The following TTLL1 variants were observed in gnomAD, a reference collection of about 807,000 sequenced individuals.
TTLL1 encodes TTL family tubulin polyglutamylase complex subunit L1, also known as polyglutamylase complex subunit TTLL1.
In TTLL1, 33 loss-of-function variants were observed where a neutral mutation model predicts 47.8. The ratio of observed to expected loss-of-function variants is 0.69; its 90% CI spans 0.52 to 0.92. TTLL1 has a LOEUF of 0.92. Ranked by LOEUF, TTLL1 falls within the 40% of genes least tolerant of loss-of-function variation. The probability of loss-of-function intolerance (pLI) is 0.00; values close to 1 mark genes in which losing one functional copy is unlikely to be tolerated. For missense variants in TTLL1, 488 were observed against 547.5 expected (o/e 0.89, Z 1.08); for synonymous variants, 225 against 214.1 (o/e 1.05, Z -0.45).
intron 4 of TTLL1, 87 bp downstream of exon 4, chr22:43,069,549 C>T (rs1263697544): frequency 3.2e-6 from 5 of 1,578,922 alleles, no homozygotes; most frequent in Non-Finnish European, 4.3e-6. Flanking sequence ...CGCATCAAAG[C>T]CAACAGTCAC....
rs1555964073 is a variant in TTLL1 at position 43,073,364 on chromosome 22, T to TTTATTTTA, written c.113+2109_113+2110insTAAAATAA. On this transcript the variant is annotated intron_variant, in intron 3 of 10. Transcript: ENST00000266254. The stretch of plus-strand genomic sequence containing the variant: ...ATTTATTTATTTATTTATTTATTTA[T>TTTATTTTA]TTTATTTTTTGAGGTACAGTCTCAC... Among the ~76,000 whole-genome samples, 642 of 133,362 alleles carry TTTATTTTA rather than the reference T, an allele frequency of 4.8e-3. 5 individuals are homozygous for TTTATTTTA. Among genetic ancestry groups the TTTATTTTA allele is most frequent in the East Asian group, 0.022 (103 of 4,760 alleles). 87.5% of individuals were successfully genotyped at this position (133,362 alleles called of 152,430 possible).
chr22:43,069,429 C>T (rs1927965899), intron 4 of TTLL1, among the ~76,000 whole-genome samples: 1 of 151,494 alleles, frequency 6.6e-6, no homozygotes, highest in Non-Finnish European at 1.5e-5. Flanking sequence ...CAGGCAATTC[C>T]CAAGGCACTC....
intron 2 of TTLL1, among the ~76,000 whole-genome samples, chr22:43,079,232 C>A (rs868386240): frequency 3.6e-5 from 4 of 111,216 alleles, no homozygotes; most frequent in African/African-American, 1.1e-4. Context: ...CATCCCACAC[C>A]CCTCACACCC....
intron 9 of TTLL1, among the ~76,000 whole-genome samples, chr22:43,051,214 TG>T (rs1926594391): frequency 6.6e-6 from 1 of 152,224 alleles, no homozygotes; most frequent in South Asian, 2.1e-4. Context: ...GGTTTGAAGC[TG>T]GGGCCTCTGA....
At chr22:43,060,410 G>T (rs548290173) in intron 7 of TTLL1, among the ~76,000 whole-genome samples, 2 of 152,142 alleles carry the variant, frequency 1.3e-5, no homozygotes, top group Non-Finnish European at 2.9e-5. Flanking sequence ...GCTCCACAGC[G>T]CCCCACGGTG....
chr22:43,078,610 T>G (rs1391936132), intron 2 of TTLL1, among the ~76,000 whole-genome samples: 1 of 152,008 alleles, frequency 6.6e-6, no homozygotes, highest in Non-Finnish European at 1.5e-5. Flanking sequence ...AAGTGCCGCC[T>G]CTCTCCACAC....
intron 8 of TTLL1, among the ~76,000 whole-genome samples, chr22:43,052,560 C>T (rs1413005133): frequency 2.0e-5 from 3 of 151,268 alleles, no homozygotes; most frequent in Non-Finnish European, 2.9e-5. Context: ...AGCAACACAG[C>T]GAGACCCCCG....
chr22:43,044,967 A>T (rs1925994105), intron 10 of TTLL1, among the ~76,000 whole-genome samples: 1 of 151,388 alleles, frequency 6.6e-6, no homozygotes, highest in South Asian at 2.1e-4. Context: ...GGTTCAAGCG[A>T]TTCTCCTGCC....
intron 10 of TTLL1, chr22:43,040,311 C>A: frequency 5.6e-6 from 1 of 177,244 alleles, no homozygotes. Context: ...ACACAAGGCA[C>A]CTGCAGGCTG....
At chr22:43,067,325 G>A (rs866591759) in intron 5 of TTLL1, among the ~76,000 whole-genome samples, 41 of 152,150 alleles carry the variant, frequency 2.7e-4, no homozygotes, top group African/African-American at 9.9e-4. Flanking sequence ...TGGTGTCCCC[G>A]GTTTACTCAG....
At chr22:43,040,138 T>C in intron 10 of TTLL1, 2 of 510,000 alleles carry the variant, frequency 3.9e-6, no homozygotes, top group Non-Finnish European at 3.5e-6. Flanking sequence ...TGCCTATGTG[T>C]ACAACCTTGT....
chr22:43,069,559 C>G lies in TTLL1; in HGVS notation c.322+77G>C, dbSNP rs1927973799. 1.1e-5 allele frequency: 17 copies of G among 1,591,378 alleles called. 1 individual carries two copies. The South Asian group carries it at 1.8e-4, about 17-fold the overall frequency. On this transcript the variant is annotated intron_variant, in intron 4 of 10. Transcript: ENST00000266254. ...GCTCACGCATCAAAGCCAACAGTCA[C>G]CACCTCAGCGCCTCGCGCCCCAAAG...
In TTLL1 at chr22:43,057,278, TAAA is replaced by T. The variant is rs11343949; in HGVS notation, c.891+2103_891+2105del. Among the ~76,000 whole-genome samples, 771 of 132,280 alleles carry T rather than the reference TAAA, an allele frequency of 5.8e-3. 3 individuals carry two copies. The highest frequency in any genetic ancestry group is 0.018 in the African/African-American group (649 of 36,420). 86.8% of individuals were successfully genotyped at this position (132,280 alleles called of 152,430 possible). Reference sequence around the variant, plus strand: ...AATGAGACTCCGTCTCAAATTAAATTAAAAAAAAAAAAAAAAAAAAAGCAGGGT... The same window carrying T: ...AATGAGACTCCGTCTCAAATTAAATTAAAAAAAAAAAAAAAAAAGCAGGGT... On this transcript the variant is annotated intron_variant, in intron 8 of 10. Transcript: ENST00000266254.
chr22:43,051,557 T>C (rs888961554), intron 9 of TTLL1, among the ~76,000 whole-genome samples: 9 of 151,946 alleles, frequency 5.9e-5, no homozygotes, highest in African/African-American at 1.9e-4. Flanking sequence ...GGAGGAGTCA[T>C]AGCCACCAAG....
chr22:43,055,642 AT>A (rs879527574), intron 8 of TTLL1, among the ~76,000 whole-genome samples: 75 of 144,626 alleles, frequency 5.2e-4, no homozygotes, highest in African/African-American at 9.1e-4. Flanking sequence ...ATTAAAAATA[AT>A]TTTTTTTTTT....
chr22:43,061,696 C>T, intron 7 of TTLL1, among the ~76,000 whole-genome samples: 1 of 152,180 alleles, frequency 6.6e-6, no homozygotes, highest in East Asian at 1.9e-4. Flanking sequence ...CCCTTGCTGG[C>T]CTCTCCAGTC....
intron 6 of TTLL1, 109 bp downstream of exon 6, chr22:43,064,081 C>G: frequency 2.0e-6 from 3 of 1,531,418 alleles, no homozygotes; most frequent in Non-Finnish European, 2.7e-6. Context: ...TGCCCCGTGC[C>G]AGGCACCGCA....
chr22:43,084,250 A>G (rs1929081511), intron 1 of TTLL1, among the ~76,000 whole-genome samples: 1 of 151,546 alleles, frequency 6.6e-6, no homozygotes, highest in Non-Finnish European at 1.5e-5. Context: ...TCTCAGGTTC[A>G]AGCGATTCTC....
intron 7 of TTLL1, among the ~76,000 whole-genome samples, chr22:43,061,974 AG>A (rs1271965165): frequency 6.6e-6 from 1 of 152,126 alleles, no homozygotes; most frequent in Non-Finnish European, 1.5e-5. Context: ...CAGAGCAAGC[AG>A]CTCAGTTTGT....
Sources: gnomAD v4.1 joint callset for allele counts (sites outside exome capture counted in the v4.1 genomes callset) on GRCh38, gnomAD v4.1.1 for gene constraint, MANE v1.5 for transcripts, NCBI Gene and HGNC (gene_info 2026-07-23, HGNC 2026-07-21) for gene names.